Variants in MAP7D1 observed in about 807,000 individuals in gnomAD.
MAP7D1 encodes the protein MAP7 domain containing 1, also known as MAP7 domain-containing protein 1.
MAP7D1 carries 30 observed loss-of-function variants against 97.5 expected under a neutral mutation model. The ratio of observed to expected loss-of-function variants is 0.31; its 90% CI spans 0.23 to 0.42. The LOEUF (loss-of-function observed/expected upper bound fraction) is 0.42, where lower values mean the gene tolerates loss of function less well. MAP7D1 is among the 10% of genes least tolerant of loss of function. The probability of loss-of-function intolerance (pLI) is 1.00; values close to 1 mark genes in which losing one functional copy is unlikely to be tolerated. For synonymous variants in MAP7D1, 536 were observed against 477.1 expected, an observed-to-expected ratio of 1.12 and a Z score of -1.61; for missense variants, 1,184 against 1,179.5, an observed-to-expected ratio of 1.00 and a Z score of -0.06.
chr1:36,169,952 G>T (rs1644519212), intron 1 of MAP7D1, among the ~76,000 whole-genome samples: 1 of 152,120 alleles, frequency 6.6e-6, no homozygotes, highest in Non-Finnish European at 1.5e-5. Flanking sequence ...CACATAGCAA[G>T]ACCCTATCTC....
rs760425904 is a variant in MAP7D1 at position 36,171,243 on chromosome 1, A to C, written c.319A>C (p.Arg107=). ...TPPAMGPRDA[R]PPRRSSQPSP... Reference sequence around the variant, plus strand: ...ACCAGCCATGGGCCCACGGGATGCCAGACCTCCTCGAAGGAGCAGCCAGCC... The same window carrying C: ...ACCAGCCATGGGCCCACGGGATGCCCGACCTCCTCGAAGGAGCAGCCAGCC... Residue 107 remains arginine (R), a synonymous_variant, in exon 2 of 17, where the codon AGA becomes CGA. Transcript: ENST00000474796. 229 of 1,607,474 alleles carry C rather than the reference A, an allele frequency of 1.4e-4. 1 individual carries two copies. Among genetic ancestry groups the C allele is most frequent in the Middle Eastern group, 1.0e-3 (6 of 6,018 alleles).
chr1:36,170,788 G>C (rs1266928064), intron 1 of MAP7D1, among the ~76,000 whole-genome samples, 183 bp from the exon 2 acceptor site: 1 of 152,178 alleles, frequency 6.6e-6, no homozygotes. Context: ...CGCCACAGAG[G>C]CAGGGATCAT....
At position 36,173,405 on chromosome 1, in the gene MAP7D1, G is replaced by C. The variant is rs778426834; in HGVS notation, c.666G>C (p.Thr222=). The part of the protein sequence containing the change: ...EAAIQRSVKK[T]WAEIRQQRWS... ...CCATCCAACGGTCAGTGAAGAAGAC[G>C]TGGGCCGAAATCCGGCAGCAGCGCT... Residue 222 remains threonine, a synonymous_variant, in exon 5 of 17, where the codon ACG becomes ACC. Coordinates refer to ENST00000474796, the MANE Select transcript of MAP7D1 (RefSeq NM_001388490.1). 6.2e-7 allele frequency: 1 copy of C among 1,614,108 alleles called. No homozygotes were observed. The highest frequency in any genetic ancestry group is 8.5e-7 in the Non-Finnish European group (1 of 1,180,002).
intron 1 of MAP7D1, among the ~76,000 whole-genome samples, chr1:36,158,524 G>A (rs1644367409): frequency 6.6e-6 from 1 of 152,178 alleles, no homozygotes; most frequent in South Asian, 2.1e-4. Flanking sequence ...AACCTGGATG[G>A]AAATCCCAGT....
Position 36,173,488 on chromosome 1 carries a change from C to T in MAP7D1, c.739+10C>T, listed in dbSNP as rs1466311373. 2 of 1,564,738 alleles carry T rather than the reference C, an allele frequency of 1.3e-6. No homozygotes were observed. The highest frequency in any genetic ancestry group is 1.4e-5 in the African/African-American group (1 of 73,768). ...CCAGGACATAAGACCAGTGAGTAGGCTGGAGGGGCTGGGGAGTGGGTGGGC... is the reference window on the plus strand; with the variant it reads ...CCAGGACATAAGACCAGTGAGTAGGTTGGAGGGGCTGGGGAGTGGGTGGGC... On this transcript the variant is annotated intron_variant, in intron 5 of 16. Coordinates refer to ENST00000474796, the MANE Select transcript of MAP7D1 (RefSeq NM_001388490.1).
Position 36,173,498 on chromosome 1 carries a change from T to C in MAP7D1, c.739+20T>C. The C allele has an allele frequency of 7.1e-7, 1 of 1,407,576 alleles. No individual in the cohort carries two copies. The highest frequency in any genetic ancestry group is 1.2e-5 in the South Asian group (1 of 83,308). The allele number at this position is 1,407,576 out of a possible 1,614,324, so 87.2% of individuals were successfully genotyped here. On this transcript the variant is annotated intron_variant, in intron 5 of 16. Coordinates refer to ENST00000474796, the MANE Select transcript of MAP7D1 (RefSeq NM_001388490.1). ...AGACCAGTGAGTAGGCTGGAGGGGC[T>C]GGGGAGTGGGTGGGCAAGGCTGGGA...
At position 36,178,763 on chromosome 1, in the gene MAP7D1, G is replaced by T. The variant is rs909510806; in HGVS notation, c.1965G>T (p.Glu655Asp). ...EREAEARRREEQEAREKAQAE... is the reference protein window; with the variant it reads ...EREAEARRREDQEAREKAQAE... The stretch of plus-strand genomic sequence containing the variant: ...AGGCGGAGGCCCGGAGGCGGGAGGA[G>T]CAGGAGGCACGAGAGAAGGCGCAGG... Residue 655 changes from glutamate to aspartate, a missense_variant, in exon 11 of 17, where the codon GAG becomes GAT. Glu to Asp is a conservative substitution (Grantham distance 45). Coordinates refer to ENST00000474796, the MANE Select transcript of MAP7D1 (RefSeq NM_001388490.1). 2 of 1,547,082 alleles carry T rather than the reference G, an allele frequency of 1.3e-6. No homozygotes were observed. The highest frequency in any genetic ancestry group is 1.7e-6 in the Non-Finnish European group (2 of 1,145,798).
At chr1:36,156,914 C>G (rs1338956735) in intron 1 of MAP7D1, among the ~76,000 whole-genome samples, 1 of 152,158 alleles carries the variant, frequency 6.6e-6, no homozygotes, top group African/African-American at 2.4e-5. Flanking sequence ...CCCTGCATAC[C>G]GACGCCTCGG....
chr1:36,161,956 C>T (rs1479828968), intron 1 of MAP7D1, among the ~76,000 whole-genome samples: 4 of 151,028 alleles, frequency 2.6e-5, no homozygotes, highest in African/African-American at 9.8e-5. Context: ...TTGTGCAGGC[C>T]CTGTTTACAT....
rs1644674897 is a variant in MAP7D1, at chr1:36,179,007, G to A, written c.2112G>A (p.Glu704=). The A allele has an allele frequency of 6.4e-7, 1 of 1,555,342 alleles. No homozygotes were observed. The highest frequency in any genetic ancestry group is 1.7e-4 in the Middle Eastern group (1 of 5,824). Residue 704 remains glutamate (E), a synonymous_variant, in exon 12 of 17, where the codon GAG becomes GAA. Transcript: ENST00000474796. ...REKHFQQQEQ[E]RQERRKRLEE... is the part of the protein sequence containing the mutation. ...AGCACTTCCAGCAGCAGGAGCAAGA[G>A]CGGCAAGAGCGCAGAAAGGTGTGCG... is the stretch of plus-strand genomic sequence containing the variant.
At chr1:36,164,418 A>G (rs905747259) in intron 1 of MAP7D1, among the ~76,000 whole-genome samples, 1 of 152,216 alleles carries the variant, frequency 6.6e-6, no homozygotes, top group African/African-American at 2.4e-5. Flanking sequence ...CCATGACTAT[A>G]TACAACAAGG....
chr1:36,173,353 C>T lies in MAP7D1; in HGVS notation c.625-11C>T, dbSNP rs902869878. The T allele has an allele frequency of 1.2e-6, 2 of 1,605,358 alleles. No homozygotes were observed. The highest frequency in any genetic ancestry group is 1.7e-5 in the Admixed American group (1 of 58,842). ...AGTCCACATCTCTCTCTTCTCCCCA[C>T]CTTCCCCCAGGAGCGCTATGAAGCA... On this transcript the variant is annotated splice_polypyrimidine_tract_variant and intron_variant, in intron 4 of 16. Transcript: ENST00000474796.
chr1:36,172,766 G>A (rs1036976272), intron 4 of MAP7D1, 139 bp downstream of exon 4: 3 of 1,005,748 alleles, frequency 3.0e-6, no homozygotes, highest in Non-Finnish European at 4.1e-6. Context: ...ATCTACAGTT[G>A]TGTCCCTGTG....
rs1644619089 is a variant in MAP7D1 at position 36,176,290 on chromosome 1, G to A, written c.942G>A (p.Ala314=). 5.0e-6 allele frequency: 8 copies of A among 1,593,672 alleles called. No individual in the cohort carries two copies. The highest frequency in any genetic ancestry group is 6.0e-6 in the Non-Finnish European group (7 of 1,172,412). The change falls in exon 7 of 17, where the codon GCG becomes GCA. Residue 314 remains alanine, a synonymous_variant. Coordinates refer to ENST00000474796, the MANE Select transcript of MAP7D1 (RefSeq NM_001388490.1). This position sits in a 1 kb window ranked among gnomAD's most constrained non-coding sequence, Gnocchi z 6.1. ...TLSFLARSRS[A]VTLPRNGRDQ... ...CCTTCCTTGCTCGGAGTCGCAGCGC[G>A]GTCACACTGCCCCGCAACGGCCGGG...
rs2274166 is a variant in MAP7D1 at position 36,156,309 on chromosome 1, G to C, written c.-109G>C. Reference sequence around the variant, plus strand: ...CGCCCCCGCCTCCGAGTCGCTACTTGCCGGGCCGGGCCGGGCCGGGCGTGA... The same window carrying C: ...CGCCCCCGCCTCCGAGTCGCTACTTCCCGGGCCGGGCCGGGCCGGGCGTGA... On this transcript the variant is annotated 5_prime_UTR_variant, in exon 1 of 17. Transcript: ENST00000474796. 26,715 of 908,234 alleles carry C rather than the reference G, an allele frequency of 0.029. 2,593 individuals carry two copies. The East Asian group carries it at 0.33, about 11-fold the overall frequency. The allele number at this position is 908,234 out of a possible 1,614,324, so 56.3% of individuals were successfully genotyped here.
At position 36,156,369 on chromosome 1, in the gene MAP7D1, C is replaced by T; in HGVS notation, c.-49C>T. ...GGACCCCTGTCCTGGCCACTGGCCG[C>T]CGCCGCCGCCGCCGCTGAGACCCCG... On this transcript the variant is annotated 5_prime_UTR_variant, in exon 1 of 17. Coordinates refer to ENST00000474796, the MANE Select transcript of MAP7D1 (RefSeq NM_001388490.1). The T allele has an allele frequency of 2.0e-6, 3 of 1,463,642 alleles. No homozygotes were observed. Among genetic ancestry groups the T allele is most frequent in the Non-Finnish European group, 2.7e-6 (3 of 1,108,702 alleles). 90.7% of individuals were successfully genotyped at this position (1,463,642 alleles called of 1,614,324 possible). A position where few individuals can be genotyped will look rare whatever the true frequency, so the allele number is the denominator to read the frequency against.
Position 36,177,640 on chromosome 1 carries a change from G to C in MAP7D1, c.1380-233G>C, listed in dbSNP as rs1045287905. On this transcript the variant is annotated intron_variant, in intron 8 of 16. Coordinates refer to ENST00000474796, the MANE Select transcript of MAP7D1 (RefSeq NM_001388490.1). ...CAAGCATGGTTTTTTCTCTTATTAA[G>C]CTTACAGGCTATTGGCGGGGGACAT... The C allele has an allele frequency of 6.6e-6, 5 of 757,908 alleles. No individual in the cohort carries two copies. In the Admixed American group the frequency reaches 1.1e-4, roughly 17 times the overall value. The allele number at this position is 757,908 out of a possible 1,614,324, so 46.9% of individuals were successfully genotyped here. A position where few individuals can be genotyped will look rare whatever the true frequency, so the allele number is the denominator to read the frequency against.
chr1:36,179,116 A>G, intron 12 of MAP7D1, 91 bp downstream of exon 12: 1 of 1,496,040 alleles, frequency 6.7e-7, no homozygotes, highest in Non-Finnish European at 9.1e-7. Flanking sequence ...CAGGACGGGA[A>G]AGCGCTGGGG....
chr1:36,169,062 G>A (rs1644508265), intron 1 of MAP7D1, among the ~76,000 whole-genome samples: 1 of 151,714 alleles, frequency 6.6e-6, no homozygotes, highest in African/African-American at 2.4e-5. Context: ...GACCAGCCTG[G>A]CCAACATGGT....
Sources: allele counts gnomAD v4.1 joint callset (sites outside exome capture counted in the v4.1 genomes callset), GRCh38; gene constraint gnomAD v4.1.1; non-coding constraint Gnocchi (gnomAD v3.1); transcripts MANE v1.5; gene names NCBI Gene and HGNC (gene_info 2026-07-23, HGNC 2026-07-21).